The following ENPP2 variants were observed in gnomAD, a reference collection of about 807,000 sequenced individuals.
ENPP2 encodes the protein autotaxin.
ENPP2 carries 51 observed loss-of-function variants against 120.2 expected under a neutral mutation model. The ratio of observed to expected loss-of-function variants is 0.42; its 90% CI spans 0.34 to 0.54. The LOEUF (loss-of-function observed/expected upper bound fraction) is 0.54. Ranked by LOEUF, ENPP2 falls within the 20% of genes least tolerant of loss-of-function variation. ENPP2 has a pLI of 0.04. For synonymous variants in ENPP2, 365 were observed against 366.4 expected (o/e 1.00, Z 0.04); for missense variants, 920 against 1,066.5 (o/e 0.86, Z 1.91).
intron 11 of ENPP2, among the ~76,000 whole-genome samples, chr8:119,599,068 C>G (rs377757575): frequency 1.1e-4 from 17 of 152,246 alleles, no homozygotes; most frequent in African/African-American, 4.1e-4. Context: ...TTAGGTTAAT[C>G]TCAAAGAAAG....
intron 8 of ENPP2, among the ~76,000 whole-genome samples, chr8:119,611,902 G>A (rs1023975873): frequency 5.3e-5 from 8 of 152,076 alleles, no homozygotes; most frequent in African/African-American, 1.2e-4. Context: ...GGTGGCACAC[G>A]CCTGTAATCC....
At chr8:119,557,776 G>A in intron 24 of ENPP2, 85 bp from the exon 25 acceptor site, 1 of 1,201,496 alleles carries the variant, frequency 8.3e-7, no homozygotes, top group Non-Finnish European at 1.2e-6. Context: ...GTCCACAAAT[G>A]ACCTCTGTGC....
intron 8 of ENPP2, among the ~76,000 whole-genome samples, chr8:119,614,693 C>T (rs1815342949): frequency 6.6e-6 from 1 of 152,160 alleles, no homozygotes; most frequent in Admixed American, 6.5e-5. Context: ...TATCTCTAAT[C>T]CTTTAAGGTT....
At chr8:119,579,625 A>T (rs956702876) in intron 19 of ENPP2, among the ~76,000 whole-genome samples, 1 of 151,630 alleles carries the variant, frequency 6.6e-6, no homozygotes, top group Non-Finnish European at 1.5e-5. Flanking sequence ...GCTCGTTATC[A>T]TTGTACGTAA....
At chr8:119,575,373 G>C (rs566700087) in intron 19 of ENPP2, among the ~76,000 whole-genome samples, 1 of 152,002 alleles carries the variant, frequency 6.6e-6, no homozygotes, top group African/African-American at 2.4e-5. Context: ...AACTCTGCCC[G>C]AGTAATGCCT....
At chr8:119,570,867 G>A in intron 19 of ENPP2, 26 bp from the exon 20 acceptor site, 2 of 1,461,806 alleles carry the variant, frequency 1.4e-6, no homozygotes, top group Non-Finnish European at 9.1e-7. Flanking sequence ...AATAAACTGT[G>A]TTAGGTGCAT....
intron 24 of ENPP2, among the ~76,000 whole-genome samples, chr8:119,559,030 T>C (rs1272436210): frequency 6.6e-6 from 1 of 152,066 alleles, no homozygotes; most frequent in Non-Finnish European, 1.5e-5. Context: ...TCAGGCAAAA[T>C]GAAGAAAGGG....
Position 119,625,782 on chromosome 8 carries a change from G to A in ENPP2, c.292+783C>T, listed in dbSNP as rs867768428. On this transcript the variant is annotated intron_variant, in intron 3 of 24. Coordinates refer to ENST00000075322, the MANE Select transcript of ENPP2 (RefSeq NM_001040092.3). Reference sequence around the variant, plus strand: ...TGAAAACAGAGTAGGTGGGATGGCAGAAGTCCCCAGAGGTGTTTTTCTCAA... The same window carrying A: ...TGAAAACAGAGTAGGTGGGATGGCAAAAGTCCCCAGAGGTGTTTTTCTCAA... 3.3e-5 allele frequency among the ~76,000 whole-genome samples: 5 copies of A among 152,316 alleles called. No individual in the cohort carries two copies. In the Middle Eastern group the frequency reaches 0.014, roughly 414 times the overall value.
chr8:119,599,264 G>A (rs531608734), intron 11 of ENPP2, among the ~76,000 whole-genome samples: 10 of 152,276 alleles, frequency 6.6e-5, no homozygotes, highest in South Asian at 6.2e-4. Flanking sequence ...GTGGTTTTAC[G>A]TAGCTATTAG....
At chr8:119,578,813 G>A (rs1015888167) in intron 19 of ENPP2, among the ~76,000 whole-genome samples, 1 of 152,196 alleles carries the variant, frequency 6.6e-6, no homozygotes, top group Admixed American at 6.5e-5. Flanking sequence ...TGATCAAAGG[G>A]AGAAGTGGGA....
Position 119,580,109 on chromosome 8 carries a change from C to T in ENPP2, c.1780+7G>A, listed in dbSNP as rs1812627449. ...CCTTATCTGATTATTTTGCAACCAC[C>T]CCTTACCTTCTGTAGACCCTTTTGT... On this transcript the variant is annotated splice_region_variant and intron_variant, in intron 19 of 24. Transcript: ENST00000075322. 6.2e-7 allele frequency: 1 copy of T among 1,608,842 alleles called. No individual in the cohort carries two copies. Among genetic ancestry groups the T allele is most frequent in the African/African-American group, 1.3e-5 (1 of 74,794 alleles).
chr8:119,602,930 G>A (rs1814418066), intron 9 of ENPP2, among the ~76,000 whole-genome samples: 1 of 152,114 alleles, frequency 6.6e-6, no homozygotes, highest in African/African-American at 2.4e-5. Context: ...TCATCAAGTG[G>A]TTTCTCTTCC....
chr8:119,601,317 A>T, intron 10 of ENPP2, 80 bp downstream of exon 10: 2 of 973,580 alleles, frequency 2.1e-6, no homozygotes, highest in Non-Finnish European at 1.6e-6. Context: ...CTGTGCTTCT[A>T]TTCCACAGTC....
chr8:119,582,689 G>A (rs1487033225), intron 17 of ENPP2, 87 bp from the exon 18 acceptor site: 2 of 969,084 alleles, frequency 2.1e-6, no homozygotes, highest in African/African-American at 3.3e-5. Flanking sequence ...ACCTTCTATG[G>A]GTCTGAAAAC....
intron 24 of ENPP2, among the ~76,000 whole-genome samples, chr8:119,560,693 C>T (rs747147765): frequency 2.6e-5 from 4 of 152,136 alleles, no homozygotes; most frequent in African/African-American, 7.2e-5. Flanking sequence ...ATGCCTAAAA[C>T]GTACGAAAAA....
At chr8:119,595,321 A>C (rs1335040189) in intron 11 of ENPP2, among the ~76,000 whole-genome samples, 1 of 152,210 alleles carries the variant, frequency 6.6e-6, no homozygotes, top group Non-Finnish European at 1.5e-5. Flanking sequence ...GGAAGAGTAG[A>C]CATTACTTGT....
intron 2 of ENPP2, among the ~76,000 whole-genome samples, chr8:119,635,784 A>G (rs1029431189): frequency 1.3e-5 from 2 of 152,158 alleles, no homozygotes; most frequent in Non-Finnish European, 2.9e-5. Context: ...TTCAGCCATT[A>G]TTTCCTACGC....
Position 119,562,838 on chromosome 8 carries a change from ACT to A in ENPP2, c.2421+17_2421+18del, listed in dbSNP as rs773472106. The stretch of plus-strand genomic sequence containing the variant: ...GAACTATGGAAGCAAATCCTAAAGG[ACT>A]CTCTCTGTAAACTCACATTGCAGCT... On this transcript the variant is annotated intron_variant, in intron 24 of 24. Coordinates refer to ENST00000075322, the MANE Select transcript of ENPP2 (RefSeq NM_001040092.3). 2.5e-6 allele frequency: 4 copies of A among 1,610,722 alleles called. No individual in the cohort carries two copies. Among genetic ancestry groups the A allele is most frequent in the East Asian group, 2.2e-5 (1 of 44,826 alleles).
At chr8:119,628,721 A>G (rs1587526563) in intron 2 of ENPP2, among the ~76,000 whole-genome samples, 1 of 152,342 alleles carries the variant, frequency 6.6e-6, no homozygotes, top group East Asian at 1.9e-4. Flanking sequence ...TAAACAGGGC[A>G]ATAAGGATAG....
Sources: gnomAD v4.1 joint callset for allele counts (sites outside exome capture counted in the v4.1 genomes callset) on GRCh38, gnomAD v4.1.1 for gene constraint, MANE v1.5 for transcripts, NCBI Gene and HGNC (gene_info 2026-07-23, HGNC 2026-07-21) for gene names.